Variants in SHROOM3 observed in about 807,000 individuals in gnomAD.
SHROOM3 encodes the protein shroom family member 3, also known as protein Shroom3.
In SHROOM3, 47 loss-of-function variants were observed where a neutral mutation model predicts 138.6. The observed-to-expected ratio is 0.34, with a 90% CI of 0.27 to 0.43. The LOEUF (loss-of-function observed/expected upper bound fraction) is 0.43, where lower values mean the gene tolerates loss of function less well. SHROOM3 is among the 20% of genes least tolerant of loss of function. SHROOM3 has a pLI of 1.00. For synonymous variants in SHROOM3, 1,062 were observed against 1,063.3 expected (o/e 1.00, Z 0.02); for missense variants, 2,491 against 2,596.5 (o/e 0.96, Z 0.88).
intron 4 of SHROOM3, among the ~76,000 whole-genome samples, chr4:76,732,242 G>C (rs1237602230): frequency 1.3e-5 from 2 of 152,234 alleles, no homozygotes; most frequent in Admixed American, 1.3e-4. Context: ...GGAGACGCAA[G>C]TGTTGGTATG....
chr4:76,708,536 G>A (rs1286486268), intron 2 of SHROOM3, among the ~76,000 whole-genome samples: 6 of 152,156 alleles, frequency 3.9e-5, no homozygotes, highest in African/African-American at 1.4e-4. Context: ...TCCTGAAAAG[G>A]AAAAGTCCCT....
rs113802240 is a variant in SHROOM3, at chr4:76,766,775, C to T, written c.5350-3851C>T. ...TCAAATTATCATATTTTAAGGGGCT[C>T]GTTAGGGCTTTTAAAAAATTCAAAT... is the stretch of plus-strand genomic sequence containing the variant. On this transcript the variant is annotated intron_variant, in intron 9 of 10. Coordinates refer to ENST00000296043, the MANE Select transcript of SHROOM3 (RefSeq NM_020859.4). Among the ~76,000 whole-genome samples, 748 of 152,180 alleles carry T rather than the reference C, an allele frequency of 4.9e-3. 2 individuals are homozygous for T. Among genetic ancestry groups the T allele is most frequent in the African/African-American group, 0.017 (718 of 41,504 alleles).
At position 76,740,666 on chromosome 4, in the gene SHROOM3, C is replaced by G; in HGVS notation, c.2493C>G (p.His831Gln). 1 of 1,614,184 alleles carries G rather than the reference C, an allele frequency of 6.2e-7. No homozygotes were observed. Among genetic ancestry groups the G allele is most frequent in the Non-Finnish European group, 8.5e-7 (1 of 1,180,040 alleles). ...ATGACTTCGAGGAGACAAAAGCACA[C>G]ATTCGTTTCTCTGAGTCAGCTGAAC... ...SGNDFEETKA[H>Q]IRFSESAEPL... Residue 831 changes from histidine (H) to glutamine (Q), a missense_variant, in exon 5 of 11, where the codon CAC (histidine) becomes CAG (glutamine). This residue lies in a region of SHROOM3 where 1,733 missense variants were observed against 1,661.6 expected (regional missense o/e 1.04). Transcript: ENST00000296043. The surrounding 1 kb of genome is among the most constrained non-coding windows in gnomAD (Gnocchi z 4.0).
intron 3 of SHROOM3, among the ~76,000 whole-genome samples, chr4:76,723,058 C>T (rs989037379): frequency 9.9e-5 from 15 of 151,664 alleles, no homozygotes; most frequent in Non-Finnish European, 2.2e-4. Flanking sequence ...CATAACAGTT[C>T]GTTAAAGAAT....
chr4:76,694,107 A>G (rs552835409), intron 2 of SHROOM3, among the ~76,000 whole-genome samples: 8 of 152,236 alleles, frequency 5.3e-5, no homozygotes, highest in Non-Finnish European at 1.2e-4. Flanking sequence ...AGTTCAACAA[A>G]GCATTTGGGA....
chr4:76,622,551 A>C (rs1390090701), intron 2 of SHROOM3, among the ~76,000 whole-genome samples: 1 of 152,012 alleles, frequency 6.6e-6, no homozygotes, highest in Non-Finnish European at 1.5e-5. Flanking sequence ...TCTCACAAGC[A>C]GATAAAGGCT....
intron 2 of SHROOM3, among the ~76,000 whole-genome samples, chr4:76,674,558 T>A (rs1718977013): frequency 7.1e-6 from 1 of 140,258 alleles, no homozygotes; most frequent in Admixed American, 7.1e-5. Flanking sequence ...TCCTTCCTTT[T>A]TTTTTTTTTT....
intron 9 of SHROOM3, among the ~76,000 whole-genome samples, chr4:76,760,040 T>G (rs1721942889): frequency 1.3e-5 from 2 of 152,260 alleles, no homozygotes; most frequent in South Asian, 4.1e-4. Flanking sequence ...TCTCAGCTGC[T>G]GGTTGGCCAG....
intron 3 of SHROOM3, among the ~76,000 whole-genome samples, chr4:76,725,101 C>T (rs925504277): frequency 1.3e-5 from 2 of 151,706 alleles, no homozygotes; most frequent in South Asian, 2.1e-4. Context: ...TTTTTTTCCT[C>T]GTGTTTTTGT....
At chr4:76,751,260 A>G (rs1427246883) in intron 6 of SHROOM3, among the ~76,000 whole-genome samples, 1 of 152,188 alleles carries the variant, frequency 6.6e-6, no homozygotes, top group Admixed American at 6.5e-5. Context: ...TGAAATGTCA[A>G]AATAATTTGG....
At chr4:76,600,186 A>G (rs1246847332) in intron 2 of SHROOM3, among the ~76,000 whole-genome samples, 2 of 152,116 alleles carry the variant, frequency 1.3e-5, no homozygotes, top group African/African-American at 4.8e-5. Context: ...CAAAAAATAA[A>G]CAACCAACTT....
intron 1 of SHROOM3, among the ~76,000 whole-genome samples, chr4:76,527,640 T>A (rs1467216488): frequency 6.6e-6 from 1 of 152,246 alleles, no homozygotes; most frequent in African/African-American, 2.4e-5. Flanking sequence ...ATTGATTAAT[T>A]AAGCACTGCA....
At chr4:76,530,555 T>C in intron 1 of SHROOM3, among the ~76,000 whole-genome samples, 1 of 152,234 alleles carries the variant, frequency 6.6e-6, no homozygotes, top group East Asian at 1.9e-4. Flanking sequence ...GTCTGCTATC[T>C]TTAGTCTATT....
intron 2 of SHROOM3, among the ~76,000 whole-genome samples, chr4:76,628,515 C>T (rs72661452): frequency 0.093 from 14,122 of 152,082 alleles, 672 homozygotes; most frequent in East Asian, 0.14. Flanking sequence ...GGGGCACAGA[C>T]GTTGGGATTA....
intron 2 of SHROOM3, among the ~76,000 whole-genome samples, chr4:76,563,449 G>A (rs1733638602): frequency 6.6e-6 from 1 of 152,194 alleles, no homozygotes; most frequent in Admixed American, 6.5e-5. Context: ...TTTGAACCAT[G>A]TTGAAGCTCA....
chr4:76,637,895 T>C (rs13434657), intron 2 of SHROOM3, among the ~76,000 whole-genome samples: 40 of 152,272 alleles, frequency 2.6e-4, no homozygotes, highest in African/African-American at 9.6e-4. Flanking sequence ...CTAAAATACC[T>C]TTCCCCTCCT....
At chr4:76,541,631 A>ACC (rs1472279270) in intron 1 of SHROOM3, among the ~76,000 whole-genome samples, 1 of 151,914 alleles carries the variant, frequency 6.6e-6, no homozygotes, top group African/African-American at 2.4e-5. Flanking sequence ...GGGCGCACAC[A>ACC]CACACACACA....
intron 7 of SHROOM3, 132 bp downstream of exon 7, chr4:76,755,324 T>C: frequency 1.8e-6 from 2 of 1,111,192 alleles, no homozygotes; most frequent in Non-Finnish European, 2.6e-6. Context: ...CTCAGGACAC[T>C]GTTGATCTGT....
intron 1 of SHROOM3, among the ~76,000 whole-genome samples, chr4:76,554,763 C>G (rs917481885): frequency 6.6e-6 from 1 of 152,112 alleles, no homozygotes; most frequent in Non-Finnish European, 1.5e-5. Context: ...AACCCCCAGG[C>G]CACGGACCAT....
Sources: allele counts gnomAD v4.1 joint callset (sites outside exome capture counted in the v4.1 genomes callset), GRCh38; gene constraint gnomAD v4.1.1; regional missense constraint gnomAD v4.1.1; non-coding constraint Gnocchi (gnomAD v3.1); transcripts MANE v1.5; gene names NCBI Gene and HGNC (gene_info 2026-07-23, HGNC 2026-07-21).